SLC24A2: variants seen among roughly 807,000 people sequenced by gnomAD.
SLC24A2 encodes the protein sodium/potassium/calcium exchanger 2.
A neutral mutation model predicts 62.0 loss-of-function variants in SLC24A2; 36 were observed. The ratio of observed to expected loss-of-function variants is 0.58; its 90% CI spans 0.44 to 0.77. The LOEUF (loss-of-function observed/expected upper bound fraction) is 0.77. SLC24A2 is among the 30% of genes least tolerant of loss of function. The probability of loss-of-function intolerance (pLI) is 0.00; values close to 1 mark genes in which losing one functional copy is unlikely to be tolerated. For synonymous variants in SLC24A2, 358 were observed against 294.0 expected (o/e 1.22, Z -2.23); for missense variants, 846 against 817.9 (o/e 1.03, Z -0.42).
the SLC24A2 span, among the ~76,000 whole-genome samples, chr9:20,291,812 T>A: frequency 1.0e-3 from 153 of 152,260 alleles, no homozygotes; most frequent in African/African-American, 3.6e-3. Context: ...ACTGGCCATT[T>A]TTGACATGAT....
chr9:19,882,208 G>A, the SLC24A2 span, among the ~76,000 whole-genome samples: 1 of 151,842 alleles, frequency 6.6e-6, no homozygotes, highest in Non-Finnish European at 1.5e-5. Context: ...TACAAGATAT[G>A]CCAACAGAGA....
At chr9:20,091,291 T>C in the SLC24A2 span, among the ~76,000 whole-genome samples, 1 of 151,838 alleles carries the variant, frequency 6.6e-6, no homozygotes, top group African/African-American at 2.4e-5. Context: ...ATTCTGAATG[T>C]CATTCATGAA....
At chr9:19,520,322 T>C (rs947999537) in intron 10 of SLC24A2, among the ~76,000 whole-genome samples, 5 of 152,226 alleles carry the variant, frequency 3.3e-5, no homozygotes, top group African/African-American at 9.6e-5. Context: ...TGATTCACTT[T>C]AGTGATTATT....
intron 7 of SLC24A2, among the ~76,000 whole-genome samples, chr9:19,565,176 C>G (rs1006351961): frequency 2.0e-5 from 3 of 152,142 alleles, no homozygotes; most frequent in African/African-American, 7.2e-5. Context: ...CAAATTGTCC[C>G]TGTTTGCAGA....
the SLC24A2 span, among the ~76,000 whole-genome samples, chr9:20,272,602 A>G: frequency 6.6e-6 from 1 of 152,206 alleles, no homozygotes; most frequent in East Asian, 1.9e-4. Flanking sequence ...AAAACTCCAT[A>G]TTCTGTAGTA....
intron 2 of SLC24A2, among the ~76,000 whole-genome samples, chr9:19,740,160 A>AG (rs35972880): frequency 0.8 from 120,883 of 151,380 alleles, 48,478 homozygotes; most frequent in African/African-American, 0.86. Flanking sequence ...ACTTTGAAAA[A>AG]TTCTTAGGCA....
chr9:20,270,445 G>T, the SLC24A2 span, among the ~76,000 whole-genome samples: 1 of 152,142 alleles, frequency 6.6e-6, no homozygotes, highest in African/African-American at 2.4e-5. Flanking sequence ...TTGTTACTCA[G>T]CCTCTCCATC....
chr9:19,706,324 T>G (rs1158008272), intron 2 of SLC24A2, among the ~76,000 whole-genome samples: 2 of 152,006 alleles, frequency 1.3e-5, no homozygotes, highest in Non-Finnish European at 2.9e-5. Context: ...AGCCTATGTG[T>G]GTCTCTGCAT....
the SLC24A2 span, among the ~76,000 whole-genome samples, chr9:20,006,152 T>C: frequency 6.6e-6 from 1 of 151,558 alleles, no homozygotes; most frequent in Non-Finnish European, 1.5e-5. Flanking sequence ...ATTTTATATA[T>C]ACCTACTTTT....
chr9:20,095,432 C>T, the SLC24A2 span, among the ~76,000 whole-genome samples: 1 of 152,188 alleles, frequency 6.6e-6, no homozygotes, highest in East Asian at 1.9e-4. Flanking sequence ...AATAAGTAGA[C>T]TGAGTAAACC....
At chr9:20,136,584 C>A in the SLC24A2 span, among the ~76,000 whole-genome samples, 2 of 152,174 alleles carry the variant, frequency 1.3e-5, no homozygotes, top group Non-Finnish European at 1.5e-5. Flanking sequence ...ATATTTACCA[C>A]TTTGCCCCCC....
At chr9:19,871,789 C>A in the SLC24A2 span, among the ~76,000 whole-genome samples, 1 of 151,996 alleles carries the variant, frequency 6.6e-6, no homozygotes, top group East Asian at 1.9e-4. Context: ...CTGGAAGGGG[C>A]AAGAGAATTT....
intron 2 of SLC24A2, among the ~76,000 whole-genome samples, chr9:19,713,931 G>T (rs943302933): frequency 1.3e-5 from 2 of 152,128 alleles, no homozygotes; most frequent in African/African-American, 4.8e-5. Flanking sequence ...TGGAGACTAA[G>T]GGAAGAAAAT....
the SLC24A2 span, among the ~76,000 whole-genome samples, chr9:19,916,066 G>C: frequency 6.6e-6 from 1 of 151,924 alleles, no homozygotes; most frequent in African/African-American, 2.4e-5. Context: ...CCTTAGATCC[G>C]TTAGAGATAA....
chr9:19,932,156 T>C, the SLC24A2 span, among the ~76,000 whole-genome samples: 6 of 151,932 alleles, frequency 3.9e-5, no homozygotes, highest in Non-Finnish European at 5.9e-5. Context: ...TACCGAACCA[T>C]AGGAGAAAAA....
chr9:20,043,258 G>C, the SLC24A2 span, among the ~76,000 whole-genome samples: 1 of 152,178 alleles, frequency 6.6e-6, no homozygotes, highest in Non-Finnish European at 1.5e-5. Context: ...AGAACGAAAA[G>C]AAAGTGAAAC....
the SLC24A2 span, among the ~76,000 whole-genome samples, chr9:20,184,478 G>A: frequency 6.6e-6 from 1 of 152,208 alleles, no homozygotes; most frequent in Non-Finnish European, 1.5e-5. Flanking sequence ...GAACTCAGGA[G>A]GTGGAGGTCT....
the SLC24A2 span, among the ~76,000 whole-genome samples, chr9:20,014,019 G>C: frequency 6.6e-6 from 1 of 152,158 alleles, no homozygotes; most frequent in African/African-American, 2.4e-5. Flanking sequence ...ACCAGCCTCA[G>C]TAACAAAGTG....
At chr9:20,276,761 C>T in the SLC24A2 span, among the ~76,000 whole-genome samples, 1 of 152,236 alleles carries the variant, frequency 6.6e-6, no homozygotes, top group South Asian at 2.1e-4. Context: ...CGGAGGTTCC[C>T]AAACCTCAGT....
Sources: gnomAD v4.1 joint callset for allele counts (sites outside exome capture counted in the v4.1 genomes callset) on GRCh38, gnomAD v4.1.1 for gene constraint, MANE v1.5 for transcripts, NCBI Gene and HGNC (gene_info 2026-07-23, HGNC 2026-07-21) for gene names.